DNM2: variants seen among roughly 807,000 people sequenced by gnomAD.
DNM2 encodes dynamin-2.
DNM2 carries 15 observed loss-of-function variants against 99.0 expected under a neutral mutation model. That is an observed-to-expected ratio of 0.15 (90% CI 0.10 to 0.23). The LOEUF (loss-of-function observed/expected upper bound fraction) is 0.23, where lower values mean the gene tolerates loss of function less well. Ranked by LOEUF, DNM2 falls within the 10% of genes least tolerant of loss-of-function variation. DNM2 has a pLI of 1.00. For missense variants in DNM2, 742 were observed against 1,189.4 expected (o/e 0.62, Z 5.53); for synonymous variants, 525 against 481.2 (o/e 1.09, Z -1.19).
At chr19:10,807,137 A>T in intron 13 of DNM2, among the ~76,000 whole-genome samples, 1 of 151,838 alleles carries the variant, frequency 6.6e-6, no homozygotes, top group African/African-American at 2.4e-5. Flanking sequence ...CAGTGGCGCA[A>T]TCTTGGCTCA....
intron 5 of DNM2, among the ~76,000 whole-genome samples, chr19:10,779,502 CTTTT>C (rs55819116): frequency 2.7e-4 from 8 of 29,626 alleles, no homozygotes; most frequent in East Asian, 1.1e-3. Context: ...TTCTTTCTTT[CTTTT>C]TTTTTTTTTT....
intron 1 of DNM2, among the ~76,000 whole-genome samples, chr19:10,725,835 C>G (rs1374314012): frequency 6.6e-6 from 1 of 152,054 alleles, no homozygotes; most frequent in Non-Finnish European, 1.5e-5. Flanking sequence ...CTCACTGCAG[C>G]CTCCAACTCC....
Position 10,779,502 on chromosome 19 carries a change from C to CTTTTTTTTTTTTTTTT in DNM2, c.688+2296_688+2311dup, listed in dbSNP as rs55819116. On this transcript the variant is annotated intron_variant, in intron 5 of 20. Transcript: ENST00000389253. ...TCTTTCTTTCTTTCTTTCTTTCTTT[C>CTTTTTTTTTTTTTTTT]TTTTTTTTTTTTTTTTTTTTTTTTT... is the stretch of plus-strand genomic sequence containing the variant. Among the ~76,000 whole-genome samples the CTTTTTTTTTTTTTTTT allele has an allele frequency of 4.6e-3, 135 of 29,618 alleles. 8 individuals are homozygous for CTTTTTTTTTTTTTTTT. Among genetic ancestry groups the CTTTTTTTTTTTTTTTT allele is most frequent in the Non-Finnish European group, 5.3e-3 (92 of 17,220 alleles). 19.4% of individuals were successfully genotyped at this position (29,618 alleles called of 152,430 possible).
chr19:10,813,483 C>T (rs1194833101), intron 15 of DNM2, among the ~76,000 whole-genome samples: 1 of 152,156 alleles, frequency 6.6e-6, no homozygotes, highest in Non-Finnish European at 1.5e-5. Context: ...TGGTATTCCT[C>T]ATTTTCCTGT....
intron 11 of DNM2, 42 bp downstream of exon 11, chr19:10,798,614 C>G: frequency 6.3e-7 from 1 of 1,596,488 alleles, no homozygotes; most frequent in Non-Finnish European, 8.6e-7. Flanking sequence ...AATTTACATG[C>G]AGTAAATGTC....
At chr19:10,769,731 T>G in intron 2 of DNM2, among the ~76,000 whole-genome samples, 1 of 144,450 alleles carries the variant, frequency 6.9e-6, no homozygotes, top group Non-Finnish European at 1.5e-5. Context: ...CCTTGGGAAC[T>G]GGGTCAGCTG....
At chr19:10,827,286 C>T (rs1240591834) in intron 18 of DNM2, among the ~76,000 whole-genome samples, 1 of 152,114 alleles carries the variant, frequency 6.6e-6, no homozygotes, top group Non-Finnish European at 1.5e-5. Flanking sequence ...CTTTTAGGAA[C>T]TTCTCTAAGA....
At chr19:10,724,103 AT>A in intron 1 of DNM2, among the ~76,000 whole-genome samples, 1 of 151,376 alleles carries the variant, frequency 6.6e-6, no homozygotes, top group African/African-American at 2.4e-5. Context: ...AAAAAAGGCG[AT>A]AAGTATGATG....
Position 10,760,827 on chromosome 19 carries a change from A to ATTTTTTTTTTTTT in DNM2, c.235+1021_235+1033dup, listed in dbSNP as rs57290103. On this transcript the variant is annotated intron_variant, in intron 2 of 20. Transcript: ENST00000389253. ...GTGCACACACCACCACACCCAGCTG[A>ATTTTTTTTTTTTT]TTTTTTTTTTTTTTTTTGGTAGAGA... Among the ~76,000 whole-genome samples the ATTTTTTTTTTTTT allele has an allele frequency of 2.6e-3, 107 of 41,260 alleles. 42 individuals carry two copies. The highest frequency in any genetic ancestry group is 5.5e-3 in the African/African-American group (58 of 10,634). 27.1% of individuals were successfully genotyped at this position (41,260 alleles called of 152,430 possible).
In DNM2 at chr19:10,775,621, G is replaced by A; in HGVS notation, c.386-82G>A. The A allele has an allele frequency of 2.0e-6, 3 of 1,515,302 alleles. No homozygotes were observed. The highest frequency in any genetic ancestry group is 2.7e-6 in the Non-Finnish European group (3 of 1,092,096). The allele number at this position is 1,515,302 out of a possible 1,614,324, so 93.9% of individuals were successfully genotyped here. Reference sequence around the variant, plus strand: ...GTCTGAGCCCCGCGCAGGAACTTTGGTAGTCAGCTGGGTGGCTGCGGGCCT... The same window carrying A: ...GTCTGAGCCCCGCGCAGGAACTTTGATAGTCAGCTGGGTGGCTGCGGGCCT... On this transcript the variant is annotated intron_variant, in intron 3 of 20. Transcript: ENST00000389253. The surrounding 1 kb of genome is among the most constrained non-coding windows in gnomAD (Gnocchi z 4.3).
At chr19:10,748,844 A>G (rs139760985) in intron 1 of DNM2, among the ~76,000 whole-genome samples, 2 of 152,228 alleles carry the variant, frequency 1.3e-5, no homozygotes, top group African/African-American at 4.8e-5. Context: ...GGTTAGAGAC[A>G]GCCTGTTGGG....
At chr19:10,803,438 GGCA>G (rs1306853419) in intron 12 of DNM2, among the ~76,000 whole-genome samples, 1 of 152,190 alleles carries the variant, frequency 6.6e-6, no homozygotes, top group African/African-American at 2.4e-5. Flanking sequence ...GCCTGTGGGT[GGCA>G]GCCCCCGGCC....
At chr19:10,829,959 G>T (rs908002447) in intron 19 of DNM2, among the ~76,000 whole-genome samples, 168 bp from the exon 20 acceptor site, 1 of 152,144 alleles carries the variant, frequency 6.6e-6, no homozygotes, top group Non-Finnish European at 1.5e-5. Flanking sequence ...TGAGGGGGCC[G>T]AGGGCAAGGG....
intron 15 of DNM2, among the ~76,000 whole-genome samples, chr19:10,815,936 C>T (rs1193633977): frequency 6.6e-6 from 1 of 152,120 alleles, no homozygotes; most frequent in Non-Finnish European, 1.5e-5. Context: ...GAGAGGCGGG[C>T]CTCTTGGCTA....
intron 1 of DNM2, among the ~76,000 whole-genome samples, chr19:10,747,038 ATTTT>A (rs776244156): frequency 7.6e-6 from 1 of 132,440 alleles, no homozygotes; most frequent in Non-Finnish European, 1.6e-5. Context: ...CACTCAACCA[ATTTT>A]TTTTTTTTTT....
chr19:10,798,445 C>T (rs377147804), intron 10 of DNM2, 41 bp from the exon 11 acceptor site: 138 of 1,603,488 alleles, frequency 8.6e-5, no homozygotes, highest in Middle Eastern at 1.7e-4. Context: ...TCCCGTGCCA[C>T]GAGGACCCCG....
At chr19:10,778,627 G>A (rs1019528351) in intron 5 of DNM2, among the ~76,000 whole-genome samples, 1 of 151,830 alleles carries the variant, frequency 6.6e-6, no homozygotes, top group Admixed American at 6.6e-5. Context: ...ACTCTAGCCT[G>A]CACAACAGAG....
At chr19:10,751,834 T>C (rs1440872792) in intron 1 of DNM2, among the ~76,000 whole-genome samples, 2 of 152,184 alleles carry the variant, frequency 1.3e-5, no homozygotes, top group Non-Finnish European at 2.9e-5. Flanking sequence ...ACTCAAAATT[T>C]TAAGGAAATT....
At chr19:10,766,135 C>A (rs1343150976) in intron 2 of DNM2, among the ~76,000 whole-genome samples, 6 of 152,206 alleles carry the variant, frequency 3.9e-5, no homozygotes, top group African/African-American at 1.4e-4. Context: ...ACTCTCCTCC[C>A]TCTCTCCCTC....
Sources: allele counts gnomAD v4.1 joint callset (sites outside exome capture counted in the v4.1 genomes callset), GRCh38; gene constraint gnomAD v4.1.1; non-coding constraint Gnocchi (gnomAD v3.1); transcripts MANE v1.5; gene names NCBI Gene and HGNC (gene_info 2026-07-23, HGNC 2026-07-21).